Variants in DNAH5 observed in about 807,000 individuals in gnomAD.
DNAH5 encodes the protein dynein axonemal heavy chain 5.
Under a neutral mutation model 518.2 loss-of-function variants are expected in DNAH5, and 372 were observed. That is an observed-to-expected ratio of 0.72 (90% CI 0.66 to 0.78). The LOEUF is 0.78. Ranked by LOEUF, DNAH5 falls within the 30% of genes least tolerant of loss-of-function variation. DNAH5 has a pLI of 0.00. For synonymous variants in DNAH5, 2,039 were observed against 2,025.9 expected (o/e 1.01, Z -0.17); for missense variants, 5,523 against 5,687.0 (o/e 0.97, Z 0.93).
At chr5:13,758,815 G>T in intron 61 of DNAH5, 31 bp downstream of exon 61, 1 of 1,613,930 alleles carries the variant, frequency 6.2e-7, no homozygotes, top group South Asian at 1.1e-5. Context: ...GTAGATATGT[G>T]ACAGTCCCTG....
chr5:13,695,154 C>A (rs1242938836), intron 78 of DNAH5, among the ~76,000 whole-genome samples: 1 of 152,202 alleles, frequency 6.6e-6, no homozygotes, highest in Non-Finnish European at 1.5e-5. Flanking sequence ...AACTAGAAAC[C>A]TGAGTTCAAT....
At chr5:13,850,910 T>A in intron 30 of DNAH5, 95 bp from the exon 31 acceptor site, 2 of 1,259,804 alleles carry the variant, frequency 1.6e-6, no homozygotes, top group South Asian at 1.2e-5. Flanking sequence ...GCTAGAGCTT[T>A]AACCAGTCCA....
rs1295062120 is a variant in DNAH5, at chr5:13,890,832, C to A, written c.2577+144G>T. 19 of 901,518 alleles carry A rather than the reference C, an allele frequency of 2.1e-5. No individual in the cohort carries two copies. In the East Asian group the frequency reaches 4.9e-4, roughly 23 times the overall value. 55.8% of individuals were successfully genotyped at this position (901,518 alleles called of 1,614,324 possible). ...TTTCTCTTCACTGGCAAATTATTGT[C>A]AGAAGATTCCATGTCTGAATCACTT... On this transcript the variant is annotated intron_variant, in intron 17 of 78. Transcript: ENST00000265104.
chr5:13,758,618 T>A (rs905232732), intron 61 of DNAH5, among the ~76,000 whole-genome samples: 1 of 152,210 alleles, frequency 6.6e-6, no homozygotes, highest in African/African-American at 2.4e-5. Context: ...CACAAGATGC[T>A]GTCATCACTA....
chr5:13,692,715 A>C (rs1215794961), intron 78 of DNAH5, among the ~76,000 whole-genome samples: 3 of 152,178 alleles, frequency 2.0e-5, no homozygotes, highest in Admixed American at 1.3e-4. Context: ...CCTGAGACTC[A>C]GTCTACCTTT....
In DNAH5 at chr5:13,714,572, C is replaced by T. The variant is rs377316131; in HGVS notation, c.12958G>A (p.Ala4320Thr). 1.3e-5 allele frequency: 21 copies of T among 1,614,048 alleles called. No individual in the cohort carries two copies. The highest frequency in any genetic ancestry group is 3.3e-4 in the Middle Eastern group (2 of 6,070). ...AGCTTGCTCTGGTAGGTGATGTCAG[C>T]ATTGGGGTGCAGCCCAAACACCTCA... ...SPEVFGLHPN[A>T]DITYQSKLAK... is the part of the protein sequence containing the mutation. Residue 4320 changes from alanine (A) to threonine (T), a missense_variant, in exon 75 of 79, where the codon GCT becomes ACT. By Grantham distance (58) the Ala-to-Thr change is moderately conservative. Transcript: ENST00000265104.
chr5:13,737,394 G>A lies in DNAH5; in HGVS notation c.11313C>T (p.Thr3771=). Residue 3771 remains threonine, a synonymous_variant, in exon 66 of 79, where the codon ACC becomes ACT. Transcript: ENST00000265104. ...EDNLLYRLTS[T]QGSLVEDESL... The stretch of plus-strand genomic sequence containing the variant: ...TTTCATCTTCTACCAGGGACCCCTG[G>A]GTACTTGTCAGGCGGTAAAGCAAGT... 1 of 1,614,068 alleles carries A rather than the reference G, an allele frequency of 6.2e-7. No individual in the cohort carries two copies. The highest frequency in any genetic ancestry group is 8.5e-7 in the Non-Finnish European group (1 of 1,179,990).
At chr5:13,861,952 C>CAAAAA (rs59674964) in intron 29 of DNAH5, among the ~76,000 whole-genome samples, 68 of 49,464 alleles carry the variant, frequency 1.4e-3, no homozygotes, top group East Asian at 1.7e-3. Context: ...GATTCCATCT[C>CAAAAA]AAAAAAAAAA....
chr5:13,914,047 T>C, intron 10 of DNAH5, 89 bp from the exon 11 acceptor site: 2 of 1,484,300 alleles, frequency 1.3e-6, no homozygotes, highest in Non-Finnish European at 1.8e-6. Context: ...AAAATTAGGA[T>C]GGAATTGTAA....
intron 21 of DNAH5, among the ~76,000 whole-genome samples, chr5:13,877,602 G>A (rs1453506846): frequency 6.6e-6 from 1 of 152,172 alleles, no homozygotes; most frequent in African/African-American, 2.4e-5. Context: ...TCCTGCTTAT[G>A]TTATAACCAA....
chr5:13,732,976 C>T (rs556535933), intron 68 of DNAH5, among the ~76,000 whole-genome samples: 3 of 152,280 alleles, frequency 2.0e-5, no homozygotes, highest in South Asian at 4.1e-4. Context: ...TTTCATAAAG[C>T]AGTGTTACAA....
chr5:13,811,673 T>G lies in DNAH5; in HGVS notation c.7381A>C (p.Met2461Leu). The change falls in exon 44 of 79, where the codon ATG becomes CTG. Residue 2461 changes from methionine to leucine, a missense_variant. By Grantham distance (15) the Met-to-Leu change is conservative. Coordinates refer to ENST00000265104, the MANE Select transcript of DNAH5 (RefSeq NM_001369.3). ...TTCAGAGGAATCAGGCCTTGAAGCATGTTAATGCTCTGTGTGATGACAAAG... is the reference window on the plus strand; with the variant it reads ...TTCAGAGGAATCAGGCCTTGAAGCAGGTTAATGCTCTGTGTGATGACAAAG... ...EAFVITQSIN[M>L]LQGLIPLKEQ... 1 of 1,614,162 alleles carries G rather than the reference T, an allele frequency of 6.2e-7. No individual in the cohort carries two copies. The highest frequency in any genetic ancestry group is 8.5e-7 in the Non-Finnish European group (1 of 1,180,012).
In DNAH5 at chr5:13,718,972, G is replaced by C. The variant is rs192894455; in HGVS notation, c.12409C>G (p.Gln4137Glu). 3.7e-6 allele frequency: 6 copies of C among 1,614,100 alleles called. No homozygotes were observed. Among genetic ancestry groups the C allele is most frequent in the East Asian group, 2.2e-5 (1 of 44,872 alleles). Residue 4137 changes from glutamine to glutamate, a missense_variant, in exon 72 of 79, where the codon CAG becomes GAG. By Grantham distance (29) the Gln-to-Glu change is conservative (BLOSUM62 2). Transcript: ENST00000265104. The stretch of plus-strand genomic sequence containing the variant: ...ATCTGAAGGAGTGTAATGGGAAACT[G>C]CTTATGAGCCTCGGTGGTCATCCAG... ...RLWMTTEAHK[Q>E]FPITLLQMSI...
In DNAH5 at chr5:13,840,888, C is replaced by T; in HGVS notation, c.5709+18G>A. Reference sequence around the variant, plus strand: ...ATTTGTTTTTCTCTACATGCCACAGCATTTATAAAGAATTTACCAGGTCAT... The same window carrying T: ...ATTTGTTTTTCTCTACATGCCACAGTATTTATAAAGAATTTACCAGGTCAT... On this transcript the variant is annotated intron_variant, in intron 34 of 78. Transcript: ENST00000265104. 1 of 1,604,784 alleles carries T rather than the reference C, an allele frequency of 6.2e-7. No individual in the cohort carries two copies. The highest frequency in any genetic ancestry group is 8.5e-7 in the Non-Finnish European group (1 of 1,171,566).
intron 2 of DNAH5, among the ~76,000 whole-genome samples, chr5:13,929,951 A>G (rs1778252629): frequency 6.6e-6 from 1 of 152,202 alleles, no homozygotes; most frequent in South Asian, 2.1e-4. Context: ...TCTGGGAATA[A>G]TATTATCTAC....
At chr5:13,836,042 T>A (rs1764347651) in intron 35 of DNAH5, among the ~76,000 whole-genome samples, 1 of 152,114 alleles carries the variant, frequency 6.6e-6, no homozygotes. Flanking sequence ...CAGGGAGTGT[T>A]GGATTGCCCA....
chr5:13,727,781 T>A, intron 69 of DNAH5, 125 bp from the exon 70 acceptor site: 1 of 1,071,816 alleles, frequency 9.3e-7, no homozygotes, highest in Middle Eastern at 2.3e-4. Flanking sequence ...CCTTGGCTAT[T>A]TTTTTATTTT....
At chr5:13,927,793 C>T (rs191631643) in intron 3 of DNAH5, among the ~76,000 whole-genome samples, 3 of 152,320 alleles carry the variant, frequency 2.0e-5, no homozygotes, top group Admixed American at 2.0e-4. Flanking sequence ...CAAACGTAAT[C>T]TACTTTATTA....
At chr5:13,957,715 CTT>C (rs1314053410) in intron 1 of DNAH5, among the ~76,000 whole-genome samples, 7 of 151,748 alleles carry the variant, frequency 4.6e-5, no homozygotes, top group Non-Finnish European at 1.0e-4. Flanking sequence ...ATAGTGAACT[CTT>C]TGAGTTGATT....
Sources: allele counts gnomAD v4.1 joint callset (sites outside exome capture counted in the v4.1 genomes callset), GRCh38; gene constraint gnomAD v4.1.1; transcripts MANE v1.5; gene names NCBI Gene and HGNC (gene_info 2026-07-23, HGNC 2026-07-21).